Variants in HMCN1 observed in about 807,000 individuals in gnomAD.
HMCN1 encodes the protein hemicentin 1, also known as hemicentin-1.
A neutral mutation model predicts 625.9 loss-of-function variants in HMCN1; 321 were observed. The observed-to-expected ratio is 0.51, with a 90% CI of 0.47 to 0.56. HMCN1 has a LOEUF of 0.56. Among genes scored for constraint, HMCN1 ranks in the 20% least tolerant of loss-of-function variants. The pLI, the probability that HMCN1 is intolerant of heterozygous loss-of-function variation, is 0.00. For missense variants in HMCN1, 6,588 were observed against 6,887.3 expected (o/e 0.96, Z 1.54); for synonymous variants, 2,425 against 2,417.6 (o/e 1.00, Z -0.09).
chr1:185,844,567 A>C (rs1246856545), intron 1 of HMCN1, among the ~76,000 whole-genome samples: 2 of 152,232 alleles, frequency 1.3e-5, no homozygotes, highest in Non-Finnish European at 2.9e-5. Context: ...CTTTAAAGCT[A>C]GAAAACATTT....
chr1:185,948,805 G>A (rs1329051040), intron 11 of HMCN1, among the ~76,000 whole-genome samples: 1 of 151,572 alleles, frequency 6.6e-6, no homozygotes, highest in Non-Finnish European at 1.5e-5. Flanking sequence ...AATTTTTGGG[G>A]GGTGGTATGG....
At chr1:185,984,748 G>A (rs1472834353) in intron 19 of HMCN1, among the ~76,000 whole-genome samples, 3 of 152,116 alleles carry the variant, frequency 2.0e-5, no homozygotes, top group African/African-American at 4.8e-5. Context: ...GTCACCTCAT[G>A]TGCTCCAAAC....
intron 64 of HMCN1, 40 bp from the exon 65 acceptor site, chr1:186,093,094 C>G: frequency 1.2e-6 from 2 of 1,612,138 alleles, no homozygotes; most frequent in Non-Finnish European, 1.7e-6. Flanking sequence ...GAAATAGATT[C>G]AATCTCATCT....
intron 2 of HMCN1, among the ~76,000 whole-genome samples, chr1:185,857,910 A>G (rs1172688588): frequency 6.6e-6 from 1 of 152,230 alleles, no homozygotes; most frequent in Non-Finnish European, 1.5e-5. Flanking sequence ...AATATTCTGT[A>G]GGTATCTAGA....
chr1:185,894,512 A>G (rs1023019118), intron 4 of HMCN1, among the ~76,000 whole-genome samples: 3 of 152,194 alleles, frequency 2.0e-5, no homozygotes, highest in African/African-American at 4.8e-5. Flanking sequence ...ATCTGTATCT[A>G]GAAGTGGGAA....
chr1:185,779,585 A>G (rs1011659000), intron 1 of HMCN1, among the ~76,000 whole-genome samples: 3 of 152,284 alleles, frequency 2.0e-5, no homozygotes, highest in Admixed American at 6.5e-5. Flanking sequence ...TTTTCCCAGG[A>G]CCATTTATTA....
In HMCN1 at chr1:185,981,040, C is replaced by A; in HGVS notation, c.2629C>A (p.Gln877Lys). ...CEAENQFGKIQSETTVTVTGL... is the reference protein window; with the variant it reads ...CEAENQFGKIKSETTVTVTGL... ...AGCTGAAAACCAGTTTGGAAAGATC[C>A]AGTCAGAGACAACAGTAACAGTGAC... The change falls in exon 17 of 107, where the codon CAG (glutamine) becomes AAG (lysine). Residue 877 changes from glutamine to lysine, a missense_variant. Transcript: ENST00000271588. 6 of 1,611,066 alleles carry A rather than the reference C, an allele frequency of 3.7e-6. No homozygotes were observed. The highest frequency in any genetic ancestry group is 5.1e-6 in the Non-Finnish European group (6 of 1,177,366).
intron 1 of HMCN1, among the ~76,000 whole-genome samples, chr1:185,842,981 A>G (rs1228534361): frequency 6.6e-6 from 1 of 152,062 alleles, no homozygotes; most frequent in Non-Finnish European, 1.5e-5. Flanking sequence ...TTCACTACCA[A>G]AGTTTTTCAA....
intron 1 of HMCN1, among the ~76,000 whole-genome samples, chr1:185,837,026 GTGTGTA>G (rs1236088855): frequency 4.0e-5 from 6 of 148,934 alleles, no homozygotes; most frequent in African/African-American, 1.5e-4. Flanking sequence ...GTGTGTGTGT[GTGTGTA>G]TATATAAAAT....
At chr1:185,899,279 C>T (rs1290346268) in intron 4 of HMCN1, among the ~76,000 whole-genome samples, 1 of 151,878 alleles carries the variant, frequency 6.6e-6, no homozygotes, top group African/African-American at 2.4e-5. Flanking sequence ...TTTGAAGGTT[C>T]CTGGAAAAGA....
intron 93 of HMCN1, among the ~76,000 whole-genome samples, chr1:186,147,669 A>T (rs1365559896): frequency 2.0e-5 from 3 of 152,208 alleles, no homozygotes; most frequent in Non-Finnish European, 2.9e-5. Flanking sequence ...AGCAAGGCAC[A>T]TGAATGTTTT....
At chr1:185,887,119 T>C (rs1170038287) in intron 4 of HMCN1, among the ~76,000 whole-genome samples, 1 of 152,104 alleles carries the variant, frequency 6.6e-6, no homozygotes, top group Non-Finnish European at 1.5e-5. Flanking sequence ...TCCCTCTTAG[T>C]ATATAAATCC....
intron 4 of HMCN1, among the ~76,000 whole-genome samples, chr1:185,890,617 G>T (rs879439294): frequency 2.6e-5 from 3 of 117,340 alleles, no homozygotes; most frequent in African/African-American, 1.2e-4. Flanking sequence ...GTAGTTGAGC[G>T]GTTTTGAGTG....
chr1:186,131,859 A>T (rs559963745), intron 85 of HMCN1, among the ~76,000 whole-genome samples: 1 of 152,266 alleles, frequency 6.6e-6, no homozygotes, highest in South Asian at 2.1e-4. Context: ...TTTCTCTCCT[A>T]AATTTCAAAC....
chr1:185,911,062 T>G (rs1179574475), intron 5 of HMCN1, among the ~76,000 whole-genome samples: 1 of 152,176 alleles, frequency 6.6e-6, no homozygotes. Context: ...TTTTAATTAT[T>G]CCTATGACAG....
chr1:186,137,070 C>T (rs781764908), intron 87 of HMCN1, 133 bp downstream of exon 87: 19 of 1,105,096 alleles, frequency 1.7e-5, no homozygotes, highest in Non-Finnish European at 2.6e-5. Flanking sequence ...AGGACAAAAT[C>T]ATCAAAATTT....
chr1:185,942,018 C>T (rs767902238), intron 11 of HMCN1, among the ~76,000 whole-genome samples: 1 of 151,626 alleles, frequency 6.6e-6, no homozygotes, highest in Non-Finnish European at 1.5e-5. Context: ...TGGTGAAACT[C>T]CATCTCTACT....
At chr1:186,058,609 T>C (rs1438001841) in intron 46 of HMCN1, among the ~76,000 whole-genome samples, 1 of 151,970 alleles carries the variant, frequency 6.6e-6, no homozygotes, top group Non-Finnish European at 1.5e-5. Flanking sequence ...ATGTTGTTTT[T>C]TTCTAGTTCC....
intron 36 of HMCN1, among the ~76,000 whole-genome samples, chr1:186,032,225 AAT>A (rs1655502046): frequency 6.6e-6 from 1 of 152,226 alleles, no homozygotes; most frequent in South Asian, 2.1e-4. Flanking sequence ...AAGAAAAAAA[AAT>A]AATCCCATCA....
Sources: allele counts gnomAD v4.1 joint callset (sites outside exome capture counted in the v4.1 genomes callset), GRCh38; gene constraint gnomAD v4.1.1; transcripts MANE v1.5; gene names NCBI Gene and HGNC (gene_info 2026-07-23, HGNC 2026-07-21).